Variants in ACACA observed in about 807,000 individuals in gnomAD.
The protein encoded by ACACA is acetyl-CoA carboxylase alpha.
Under a neutral mutation model 296.1 loss-of-function variants are expected in ACACA, and 103 were observed. The observed-to-expected ratio is 0.35, with a 90% confidence interval of 0.30 to 0.41. The LOEUF (loss-of-function observed/expected upper bound fraction) is 0.41. Among genes scored for constraint, ACACA ranks in the 10% least tolerant of loss-of-function variants. The pLI is 1.00. For synonymous variants in ACACA, 953 were observed against 1,038.6 expected, an observed-to-expected ratio of 0.92 and a Z score of 1.58; for missense variants, 1,554 against 2,989.7, an observed-to-expected ratio of 0.52 and a Z score of 11.20.
At chr17:37,318,670 G>C (rs2047205908) in intron 3 of ACACA, among the ~76,000 whole-genome samples, 1 of 152,174 alleles carries the variant, frequency 6.6e-6, no homozygotes, top group Non-Finnish European at 1.5e-5. Flanking sequence ...AAGACTTAAA[G>C]AGGTTTTTCC....
intron 31 of ACACA, among the ~76,000 whole-genome samples, 192 bp downstream of exon 31, chr17:37,207,465 T>C (rs1030120675): frequency 2.6e-5 from 4 of 152,186 alleles, no homozygotes; most frequent in Non-Finnish European, 5.9e-5. Flanking sequence ...AAGTAGAGGC[T>C]TGTAGAATCT....
At chr17:37,352,303 C>A (rs1336960000) in intron 1 of ACACA, among the ~76,000 whole-genome samples, 1 of 152,066 alleles carries the variant, frequency 6.6e-6, no homozygotes, top group Admixed American at 6.6e-5. Context: ...CAAACATTAT[C>A]CTCTAGAAAC....
intron 24 of ACACA, among the ~76,000 whole-genome samples, chr17:37,238,059 C>G (rs1007285384): frequency 6.6e-6 from 1 of 152,130 alleles, no homozygotes; most frequent in Non-Finnish European, 1.5e-5. Flanking sequence ...CTCCTTATGA[C>G]GTATTTTGAT....
At chr17:37,247,085 A>G in intron 18 of ACACA, 109 bp from the exon 19 acceptor site, 1 of 1,170,078 alleles carries the variant, frequency 8.5e-7, no homozygotes, top group East Asian at 2.4e-5. Flanking sequence ...ACTTTATTAT[A>G]CACACACACA....
At chr17:37,298,455 C>T (rs968168075) in intron 3 of ACACA, among the ~76,000 whole-genome samples, 12 of 152,034 alleles carry the variant, frequency 7.9e-5, no homozygotes, top group African/African-American at 2.9e-4. Context: ...GCCAAAGTGG[C>T]AGAATTGCTT....
intron 20 of ACACA, 88 bp from the exon 21 acceptor site, chr17:37,244,822 A>G: frequency 3.2e-6 from 5 of 1,561,586 alleles, no homozygotes; most frequent in Non-Finnish European, 4.4e-6. Context: ...ATCATTCAAA[A>G]TCGAGACATC....
At chr17:37,347,722 G>A (rs2048692606) in intron 1 of ACACA, among the ~76,000 whole-genome samples, 2 of 128,478 alleles carry the variant, frequency 1.6e-5, no homozygotes, top group South Asian at 2.4e-4. Flanking sequence ...GAGCAACAAA[G>A]CATAACGCCA....
At chr17:37,102,766 C>T (rs575880467) in intron 52 of ACACA, among the ~76,000 whole-genome samples, 5 of 152,344 alleles carry the variant, frequency 3.3e-5, no homozygotes, top group South Asian at 4.1e-4. Context: ...GTTGGAAGGA[C>T]GGAGGATGCT....
chr17:37,393,740 G>A (rs1392488845), intron 1 of ACACA, among the ~76,000 whole-genome samples: 3 of 151,830 alleles, frequency 2.0e-5, no homozygotes, highest in African/African-American at 4.8e-5. Context: ...TACTCCAGAG[G>A]CTGAGGCACA....
In ACACA at chr17:37,173,982, TTATATATATATATATATATA is replaced by T. The variant is rs1173883631; in HGVS notation, c.5079+5258_5079+5277del. On this transcript the variant is annotated intron_variant, in intron 41 of 55. Coordinates refer to ENST00000616317, the MANE Select transcript of ACACA (RefSeq NM_198834.3). ...GCGCCTGCCAACACGCCTGGCTAAT[TTATATATATATATATATATA>T]TATATATATATATATATATTTTTTT... 6.7e-4 allele frequency among the ~76,000 whole-genome samples: 13 copies of T among 19,440 alleles called. 1 individual carries two copies. Among genetic ancestry groups the T allele is most frequent in the East Asian group, 6.3e-3 (7 of 1,120 alleles). The allele number at this position is 19,440 out of a possible 152,430, so 12.8% of individuals were successfully genotyped here. A position where few individuals can be genotyped will look rare whatever the true frequency, so the allele number is the denominator to read the frequency against.
intron 1 of ACACA, among the ~76,000 whole-genome samples, chr17:37,364,256 C>G (rs901709102): frequency 3.3e-5 from 5 of 151,862 alleles, no homozygotes; most frequent in Non-Finnish European, 5.9e-5. Flanking sequence ...GAGATTGCAC[C>G]ACTGTACTCC....
At chr17:37,227,337 C>A (rs2921368) in intron 25 of ACACA, among the ~76,000 whole-genome samples, 1 of 151,888 alleles carries the variant, frequency 6.6e-6, no homozygotes, top group East Asian at 1.9e-4. Flanking sequence ...ACTTTACAGA[C>A]CTACTGGTAG....
rs372956269 is a variant in ACACA at position 37,236,090 on chromosome 17, G to A, written c.3122-991C>T. 9.8e-5 allele frequency among the ~76,000 whole-genome samples: 15 copies of A among 152,290 alleles called. No individual in the cohort carries two copies. In the East Asian group the frequency reaches 1.2e-3, roughly 12 times the overall value. On this transcript the variant is annotated intron_variant, in intron 24 of 55. Transcript: ENST00000616317. ...ATTATCACCTCAGTTCAGATTCCACGTTAAGTTACAAACCAGAACAGTGAC... is the reference window on the plus strand; with the variant it reads ...ATTATCACCTCAGTTCAGATTCCACATTAAGTTACAAACCAGAACAGTGAC...
At position 37,155,778 on chromosome 17, in the gene ACACA, T is replaced by C. The variant is rs769293358; in HGVS notation, c.5352A>G (p.Gly1784=). Residue 1784 remains glycine (G), a splice_region_variant and synonymous_variant, in exon 43 of 56, where the codon GGA becomes GGG. Coordinates refer to ENST00000616317, the MANE Select transcript of ACACA (RefSeq NM_198834.3). Reference sequence around the variant, plus strand: ...GAGGAGTCAGATATAAATACCTGTATCCCTGTGAAGCACAAATAGTTTTTA... The same window carrying C: ...GAGGAGTCAGATATAAATACCTGTACCCCTGTGAAGCACAAATAGTTTTTA... The part of the protein sequence containing the change: ...AWVDPEDPYK[G]YRYLYLTPQD... 9 of 1,592,518 alleles carry C rather than the reference T, an allele frequency of 5.7e-6. No homozygotes were observed. The highest frequency in any genetic ancestry group is 7.7e-6 in the Non-Finnish European group (9 of 1,162,742).
chr17:37,195,134 C>T (rs2145159658), intron 35 of ACACA, among the ~76,000 whole-genome samples: 1 of 152,244 alleles, frequency 6.6e-6, no homozygotes, highest in African/African-American at 2.4e-5. Flanking sequence ...AAAATCTTTC[C>T]ATGGAACTCT....
intron 39 of ACACA, among the ~76,000 whole-genome samples, chr17:37,183,542 T>C (rs577053860): frequency 6.6e-6 from 1 of 152,132 alleles, no homozygotes; most frequent in South Asian, 2.1e-4. Flanking sequence ...CAATGAGAAC[T>C]AGAGGGCCGG....
Position 37,097,842 on chromosome 17 carries a change from C to CT in ACACA, c.6707dup (p.Val2238CysfsTer3). The CT allele has an allele frequency of 6.2e-7, 1 of 1,614,210 alleles. No homozygotes were observed. Among genetic ancestry groups the CT allele is most frequent in the Non-Finnish European group, 8.5e-7 (1 of 1,180,044 alleles). On this transcript the variant is annotated frameshift_variant, in exon 53 of 56. Transcript: ENST00000616317. LOFTEE classifies it high-confidence loss of function. The surrounding 1 kb of genome is among the most constrained non-coding windows in gnomAD (Gnocchi z 4.8). ...CCATTGTACTTACGCTAATAACACC[C>CT]TTCTCCTGCATCCGGCCTGGTGTGT...
intron 54 of ACACA, among the ~76,000 whole-genome samples, chr17:37,090,333 T>C (rs1266180): frequency 0.55 from 83,425 of 152,190 alleles, 25,039 homozygotes; most frequent in African/African-American, 0.77. Context: ...ATTTAATGTA[T>C]GTCATTTCAT....
rs146351326 is a variant in ACACA, at chr17:37,089,043, G to A, written c.6923C>T (p.Ala2308Val). 482 of 1,614,028 alleles carry A rather than the reference G, an allele frequency of 3.0e-4. No individual in the cohort carries two copies. The highest frequency in any genetic ancestry group is 4.9e-4 in the Middle Eastern group (3 of 6,084). The change falls in exon 55 of 56, where the codon GCG (alanine) becomes GTG (valine). Residue 2308 changes from alanine (A) to valine (V), a missense_variant. Physicochemically the swap from Ala to Val is moderately conservative, Grantham distance 64 (BLOSUM62 0). Around this residue, in one of 16 missense-constraint regions of ACACA, gnomAD observed 553 missense variants for 1,043.6 expected, o/e 0.53. Transcript: ENST00000616317. ...TGTCAGCTGTTTCTCTAGCCACTCC[G>A]CCAGATCCTTATTATTGTCCCAAAC... ...AYVWDNNKDL[A>V]EWLEKQLTEE...
Sources: allele counts gnomAD v4.1 joint callset (sites outside exome capture counted in the v4.1 genomes callset), GRCh38; gene constraint gnomAD v4.1.1; regional missense constraint gnomAD v4.1.1; non-coding constraint Gnocchi (gnomAD v3.1); transcripts MANE v1.5; gene names NCBI Gene and HGNC (gene_info 2026-07-23, HGNC 2026-07-21).